The following NCALD variants were observed in gnomAD, a reference collection of about 807,000 sequenced individuals.
NCALD encodes neurocalcin delta.
Under a neutral mutation model 18.6 loss-of-function variants are expected in NCALD, and 10 were observed. The ratio of observed to expected loss-of-function variants is 0.54; its 90% CI spans 0.33 to 0.91. NCALD has a LOEUF of 0.91. NCALD is among the 40% of genes least tolerant of loss of function. The pLI is 0.03. For synonymous variants in NCALD, 88 were observed against 87.4 expected (o/e 1.01, Z -0.04); for missense variants, 184 against 247.6 (o/e 0.74, Z 1.72).
chr8:101,970,146 C>A (rs1820185970), intron 2 of NCALD, among the ~76,000 whole-genome samples: 1 of 152,180 alleles, frequency 6.6e-6, no homozygotes, highest in Non-Finnish European at 1.5e-5. Context: ...TTAGCTATCA[C>A]AGATCATTTC....
At chr8:101,724,062 T>C (rs1186844080) in intron 1 of NCALD, among the ~76,000 whole-genome samples, 1 of 152,212 alleles carries the variant, frequency 6.6e-6, no homozygotes, top group Non-Finnish European at 1.5e-5. Context: ...CCTAAGAAAT[T>C]ACGTATATGT....
At chr8:102,119,370 A>G (rs1419910561) in intron 1 of NCALD, among the ~76,000 whole-genome samples, 2 of 152,210 alleles carry the variant, frequency 1.3e-5, no homozygotes, top group African/African-American at 4.8e-5. Context: ...GTCAATTCAT[A>G]GAGACAGAAA....
At chr8:101,884,667 C>T (rs1161595948) in intron 4 of NCALD, among the ~76,000 whole-genome samples, 3 of 151,716 alleles carry the variant, frequency 2.0e-5, no homozygotes, top group Admixed American at 2.0e-4. Flanking sequence ...AAACTACTCT[C>T]TATTTTTTTC....
At chr8:101,900,748 G>A (rs868771791) in intron 3 of NCALD, among the ~76,000 whole-genome samples, 6 of 151,948 alleles carry the variant, frequency 3.9e-5, no homozygotes, top group South Asian at 2.1e-4. Flanking sequence ...TTTTAAATTT[G>A]TTGAGGTTTG....
chr8:101,690,438 T>C (rs1814673589), intron 3 of NCALD: 1 of 985,360 alleles, frequency 1.0e-6, no homozygotes, highest in Non-Finnish European at 1.2e-6. Flanking sequence ...GCACCCGGCC[T>C]GCCTGGCTCT....
chr8:102,033,650 T>G (rs72679098), intron 1 of NCALD, among the ~76,000 whole-genome samples: 2,477 of 152,306 alleles, frequency 0.016, 42 homozygotes, highest in Middle Eastern at 0.048. Flanking sequence ...ATTGTTCTAC[T>G]GCACTAACTG....
chr8:101,931,571 G>A (rs1021825910), intron 2 of NCALD, among the ~76,000 whole-genome samples: 4 of 151,912 alleles, frequency 2.6e-5, no homozygotes, highest in Non-Finnish European at 2.9e-5. Context: ...GAACACAGGC[G>A]ACATATTTCC....
At chr8:101,694,157 G>C (rs929522527) in intron 2 of NCALD, 1 of 152,168 alleles carries the variant, frequency 6.6e-6, no homozygotes, top group Non-Finnish European at 1.5e-5. Flanking sequence ...TGGGCATCTT[G>C]GCCCTGGGGA....
At chr8:102,049,702 T>C (rs928082107) in intron 1 of NCALD, among the ~76,000 whole-genome samples, 1 of 152,172 alleles carries the variant, frequency 6.6e-6, no homozygotes, top group African/African-American at 2.4e-5. Flanking sequence ...CACCAGCATT[T>C]GGTTGGTGTC....
At chr8:101,706,618 A>C (rs1041294961) in intron 2 of NCALD, among the ~76,000 whole-genome samples, 2 of 152,240 alleles carry the variant, frequency 1.3e-5, no homozygotes, top group Admixed American at 6.5e-5. Context: ...AGATGCAATC[A>C]AGTTAACATG....
At chr8:101,750,438 C>A (rs1810607352) in intron 1 of NCALD, among the ~76,000 whole-genome samples, 1 of 152,134 alleles carries the variant, frequency 6.6e-6, no homozygotes, top group Non-Finnish European at 1.5e-5. Context: ...ACTTTGATTT[C>A]CCAAGGTCTG....
At chr8:102,087,993 A>C (rs1824797014) in intron 1 of NCALD, among the ~76,000 whole-genome samples, 1 of 152,228 alleles carries the variant, frequency 6.6e-6, no homozygotes, top group Non-Finnish European at 1.5e-5. Context: ...TAATGGGAAA[A>C]AAAAGGATTT....
chr8:102,099,263 C>T (rs1825198049), intron 1 of NCALD, among the ~76,000 whole-genome samples: 2 of 152,164 alleles, frequency 1.3e-5, no homozygotes, highest in South Asian at 2.1e-4. Flanking sequence ...CCATGCTACA[C>T]CAATAGTCCA....
At chr8:102,105,806 C>A (rs546401129) in intron 1 of NCALD, among the ~76,000 whole-genome samples, 2 of 152,170 alleles carry the variant, frequency 1.3e-5, no homozygotes, top group Admixed American at 6.5e-5. Context: ...CTGCTGGGTG[C>A]GACTCCTGAC....
At chr8:102,023,873 A>T (rs1175457114) in intron 1 of NCALD, among the ~76,000 whole-genome samples, 2 of 152,208 alleles carry the variant, frequency 1.3e-5, no homozygotes, top group Non-Finnish European at 2.9e-5. Flanking sequence ...GATAGGATAC[A>T]AATGGGCTAT....
At chr8:102,084,300 A>G (rs1008721573) in intron 1 of NCALD, among the ~76,000 whole-genome samples, 7 of 152,244 alleles carry the variant, frequency 4.6e-5, no homozygotes, top group African/African-American at 1.4e-4. Context: ...GTCTGCAGCA[A>G]CTTCACTTCT....
rs998216043 is a variant in NCALD at position 101,704,785 on chromosome 8, T to A, written c.379-11889A>T. ...ATAAACAAAAATTAGCCGGGCATGG[T>A]ATCGGGCACCTGTAATCCCAGCTAC... On this transcript the variant is annotated intron_variant, in intron 2 of 3. Transcript: ENST00000220931. 2.1e-4 allele frequency among the ~76,000 whole-genome samples: 32 copies of A among 151,072 alleles called. 1 individual carries two copies. The highest frequency in any genetic ancestry group is 7.8e-4 in the African/African-American group (32 of 40,958).
chr8:101,892,073 C>A (rs1816922283), intron 3 of NCALD, among the ~76,000 whole-genome samples: 1 of 151,652 alleles, frequency 6.6e-6, no homozygotes, highest in African/African-American at 2.4e-5. Flanking sequence ...CACAGACAAA[C>A]AAAAAGACAG....
chr8:101,906,474 C>T (rs555018598), intron 3 of NCALD, among the ~76,000 whole-genome samples: 5 of 152,294 alleles, frequency 3.3e-5, no homozygotes, highest in South Asian at 2.1e-4. Flanking sequence ...GGCACAGAAA[C>T]GGCCATGGTT....
Sources: gnomAD v4.1 joint callset for allele counts (sites outside exome capture counted in the v4.1 genomes callset) on GRCh38, gnomAD v4.1.1 for gene constraint, MANE v1.5 for transcripts, NCBI Gene and HGNC (gene_info 2026-07-23, HGNC 2026-07-21) for gene names.